RP1L1: variants seen among roughly 807,000 people sequenced by gnomAD.
The protein encoded by RP1L1 is RP1 like 1.
A neutral mutation model predicts 15.7 loss-of-function variants in RP1L1; 27 were observed. The ratio of observed to expected loss-of-function variants is 1.72; its 90% CI spans 1.27 to 2.38. The LOEUF (loss-of-function observed/expected upper bound fraction) is 2.38, where lower values mean the gene tolerates loss of function less well. RP1L1 is among the 30% of genes most tolerant of loss of function. The probability of loss-of-function intolerance (pLI) is 0.00; values close to 1 mark genes in which losing one functional copy is unlikely to be tolerated. For synonymous variants in RP1L1, 1,813 were observed against 1,276.7 expected (o/e 1.42, Z -8.96); for missense variants, 4,798 against 3,075.9 (o/e 1.56, Z -13.24).
intron 1 of RP1L1, among the ~76,000 whole-genome samples, chr8:10,624,278 G>C (rs1037700381): frequency 6.6e-6 from 1 of 152,132 alleles, no homozygotes; most frequent in Non-Finnish European, 1.5e-5. Context: ...CCATTAGTAG[G>C]ACATGGCACC....
intron 1 of RP1L1, among the ~76,000 whole-genome samples, chr8:10,639,588 G>T (rs1018594355): frequency 1.3e-5 from 2 of 152,100 alleles, no homozygotes; most frequent in South Asian, 2.1e-4. Context: ...TGCCCACGCT[G>T]GTCTTCAACA....
chr8:10,638,043 G>A (rs1455207722), intron 1 of RP1L1, among the ~76,000 whole-genome samples: 1 of 152,228 alleles, frequency 6.6e-6, no homozygotes, highest in Non-Finnish European at 1.5e-5. Context: ...CAGCTCAGGA[G>A]GCACAGCCAC....
chr8:10,645,034 C>T (rs1798456266), intron 1 of RP1L1, among the ~76,000 whole-genome samples: 1 of 152,158 alleles, frequency 6.6e-6, no homozygotes, highest in African/African-American at 2.4e-5. Context: ...TCTTAAGTTT[C>T]TGTAATGTAG....
At chr8:10,623,277 T>G in intron 1 of RP1L1, 57 bp from the exon 2 acceptor site, 1 of 1,340,818 alleles carries the variant, frequency 7.5e-7, no homozygotes, top group Non-Finnish European at 1.0e-6. Flanking sequence ...TGGCATTTCC[T>G]GTCTCTTCCC....
At chr8:10,652,855 G>C (rs797018356) in intron 1 of RP1L1, among the ~76,000 whole-genome samples, 1 of 152,122 alleles carries the variant, frequency 6.6e-6, no homozygotes, top group South Asian at 2.1e-4. Context: ...ACAGTGCCTA[G>C]TGGAGCTCTG....
intron 1 of RP1L1, among the ~76,000 whole-genome samples, chr8:10,644,222 A>T (rs1458945789): frequency 6.6e-6 from 1 of 151,790 alleles, no homozygotes; most frequent in South Asian, 2.1e-4. Flanking sequence ...AGTGACCAGC[A>T]TGCTGGTCTC....
chr8:10,636,273 A>T (rs1265359030), intron 1 of RP1L1, among the ~76,000 whole-genome samples: 7 of 151,824 alleles, frequency 4.6e-5, no homozygotes, highest in African/African-American at 1.7e-4. Context: ...GGGGCCGGTG[A>T]CTCTTGCTTT....
At chr8:10,625,031 A>G (rs1798134620) in intron 1 of RP1L1, among the ~76,000 whole-genome samples, 1 of 152,190 alleles carries the variant, frequency 6.6e-6, no homozygotes, top group African/African-American at 2.4e-5. Flanking sequence ...GACAGGGGAC[A>G]ATCACTGCAT....
At chr8:10,620,654 G>A (rs904761448) in intron 2 of RP1L1, among the ~76,000 whole-genome samples, 2 of 152,338 alleles carry the variant, frequency 1.3e-5, no homozygotes, top group Non-Finnish European at 2.9e-5. Context: ...TGAAAGCTGA[G>A]ACGGTCACCT....
chr8:10,654,416 G>A (rs1798608199), intron 1 of RP1L1, among the ~76,000 whole-genome samples: 1 of 152,070 alleles, frequency 6.6e-6, no homozygotes, highest in Non-Finnish European at 1.5e-5. Flanking sequence ...GGTCTTCAGA[G>A]ATTCTTGAAG....
chr8:10,635,503 A>G (rs931656556), intron 1 of RP1L1, among the ~76,000 whole-genome samples: 5 of 152,166 alleles, frequency 3.3e-5, no homozygotes, highest in African/African-American at 1.2e-4. Flanking sequence ...CCACTCTACA[A>G]ATCCCTATGG....
chr8:10,608,859 C>T lies in RP1L1; in HGVS notation c.5239G>A (p.Glu1747Lys), dbSNP rs374857595. The T allele has an allele frequency of 3.1e-5, 50 of 1,613,938 alleles. No homozygotes were observed. The highest frequency in any genetic ancestry group is 4.1e-5 in the Non-Finnish European group (48 of 1,180,042). Residue 1747 changes from glutamate (E) to lysine (K), a missense_variant, in exon 4 of 4, where the codon GAG becomes AAG. By Grantham distance (56) the Glu-to-Lys change is moderately conservative. Transcript: ENST00000382483. ...TCTCTGTTGAGTCTCTGGCTCCCCT[C>T]GCCATCCTCACCCTCGTCCACTCCA... ...GPGVDEGEDG[E>K]GSQRLNRDKD... is the part of the protein sequence containing the mutation.
chr8:10,618,928 G>A (rs989528943), intron 2 of RP1L1, among the ~76,000 whole-genome samples: 9 of 151,998 alleles, frequency 5.9e-5, no homozygotes, highest in Admixed American at 3.9e-4. Context: ...GTGCAGTGGC[G>A]CAACCTCCAC....
At position 10,608,845 on chromosome 8, in the gene RP1L1, T is replaced by A. The variant is rs755303094; in HGVS notation, c.5253A>T (p.Arg1751Ser). The change falls in exon 4 of 4, where the codon AGA (arginine) becomes AGT (serine). Residue 1751 changes from arginine (R) to serine (S), a missense_variant. Coordinates refer to ENST00000382483, the MANE Select transcript of RP1L1 (RefSeq NM_178857.6). ...DEGEDGEGSQ[R>S]LNRDKDPKLG... ...GTTTGGGATCTTTGTCTCTGTTGAG[T>A]CTCTGGCTCCCCTCGCCATCCTCAC... The A allele has an allele frequency of 1.2e-6, 2 of 1,614,010 alleles. No homozygotes were observed. The highest frequency in any genetic ancestry group is 1.1e-5 in the South Asian group (1 of 91,068).
chr8:10,637,571 C>A (rs1271120115), intron 1 of RP1L1, among the ~76,000 whole-genome samples: 3 of 152,078 alleles, frequency 2.0e-5, no homozygotes, highest in Non-Finnish European at 4.4e-5. Flanking sequence ...CAGAGTGAGA[C>A]CCCATCTCCA....
chr8:10,624,081 T>G (rs770003736), intron 1 of RP1L1, among the ~76,000 whole-genome samples: 3 of 152,174 alleles, frequency 2.0e-5, no homozygotes, highest in Non-Finnish European at 2.9e-5. Context: ...CTTGCAGCCA[T>G]GGGGAAGGAA....
intron 2 of RP1L1, among the ~76,000 whole-genome samples, chr8:10,620,026 T>C (rs372819848): frequency 1.3e-5 from 2 of 150,148 alleles, no homozygotes; most frequent in African/African-American, 4.9e-5. Context: ...GTATGGCTGA[T>C]ACAGTGATAT....
intron 2 of RP1L1, among the ~76,000 whole-genome samples, chr8:10,617,883 C>A (rs1037382844): frequency 3.3e-5 from 5 of 152,128 alleles, no homozygotes; most frequent in African/African-American, 1.2e-4. Flanking sequence ...TGACGAGGTC[C>A]ATTTCTTCTT....
intron 2 of RP1L1, among the ~76,000 whole-genome samples, chr8:10,619,856 G>A (rs998265786): frequency 3.3e-5 from 5 of 151,774 alleles, no homozygotes; most frequent in Non-Finnish European, 5.9e-5. Flanking sequence ...GCTACTCGGG[G>A]AGGCTGAGGC....
Sources: allele counts gnomAD v4.1 joint callset (sites outside exome capture counted in the v4.1 genomes callset), GRCh38; gene constraint gnomAD v4.1.1; transcripts MANE v1.5; gene names NCBI Gene and HGNC (gene_info 2026-07-23, HGNC 2026-07-21).